MYO16: variants seen among roughly 807,000 people sequenced by gnomAD.
MYO16 encodes the protein myosin XVI, also known as unconventional myosin-XVI.
A neutral mutation model predicts 205.3 loss-of-function variants in MYO16; 94 were observed. That is an observed-to-expected ratio of 0.46 (90% CI 0.39 to 0.54). The LOEUF is 0.54. Among genes scored for constraint, MYO16 ranks in the 20% least tolerant of loss-of-function variants. The pLI is 0.00. For synonymous variants in MYO16, 988 were observed against 954.0 expected, an observed-to-expected ratio of 1.04 and a Z score of -0.66; for missense variants, 2,315 against 2,387.5, an observed-to-expected ratio of 0.97 and a Z score of 0.63.
At chr13:108,653,340 T>A (rs1401860313) in intron 1 of MYO16, among the ~76,000 whole-genome samples, 1 of 152,220 alleles carries the variant, frequency 6.6e-6, no homozygotes, top group Non-Finnish European at 1.5e-5. Flanking sequence ...GTAAGCTGCC[T>A]TTTCACTGTG....
At chr13:108,739,032 T>C (rs1297958402) in intron 4 of MYO16, among the ~76,000 whole-genome samples, 1 of 152,216 alleles carries the variant, frequency 6.6e-6, no homozygotes, top group Non-Finnish European at 1.5e-5. Context: ...TATGTGCATC[T>C]CTGCAGGTGA....
intron 6 of MYO16, 138 bp from the exon 7 acceptor site, chr13:108,806,541 A>G (rs9514920): frequency 0.48 from 274,297 of 572,864 alleles, 68,807 homozygotes; most frequent in East Asian, 0.6. Flanking sequence ...ATAAAATTGC[A>G]TGTATGTTCT....
At chr13:108,577,085 A>T in the MYO16 span, among the ~76,000 whole-genome samples, 32 of 152,034 alleles carry the variant, frequency 2.1e-4, no homozygotes, top group South Asian at 6.2e-3. Context: ...ATTTGATTCA[A>T]TTTTTCTAAA....
Position 109,125,317 on chromosome 13 carries a change from G to C in MYO16, c.3741G>C (p.Glu1247Asp). The C allele has an allele frequency of 6.2e-7, 1 of 1,614,180 alleles. No individual in the cohort carries two copies. The highest frequency in any genetic ancestry group is 8.5e-7 in the Non-Finnish European group (1 of 1,180,022). ...RSEMNAPYHKEKLEVRNMQEE... is the reference protein window; with the variant it reads ...RSEMNAPYHKDKLEVRNMQEE... ...AAATGAACGCTCCCTACCATAAAGAGAAGTTAGAGGTCAGGAACATGCAAG... is the reference window on the plus strand; with the variant it reads ...AAATGAACGCTCCCTACCATAAAGACAAGTTAGAGGTCAGGAACATGCAAG... Residue 1247 changes from glutamate (E) to aspartate (D), a missense_variant, in exon 30 of 35, where the codon GAG becomes GAC. Transcript: ENST00000457511. This position sits in a 1 kb window ranked among gnomAD's most constrained non-coding sequence, Gnocchi z 4.0.
At chr13:108,625,972 A>G (rs1269205455), upstream of MYO16, among the ~76,000 whole-genome samples, 1 of 152,260 alleles carries the variant, frequency 6.6e-6, no homozygotes, top group African/African-American at 2.4e-5. Flanking sequence ...ATTAAGTAGT[A>G]TCTCACCTGG....
intron 9 of MYO16, among the ~76,000 whole-genome samples, chr13:108,826,030 T>A (rs1039980566): frequency 1.1e-4 from 16 of 152,044 alleles, no homozygotes; most frequent in African/African-American, 3.6e-4. Flanking sequence ...TAACACAATC[T>A]CTATAAAAAT....
chr13:109,074,288 C>T (rs1041645084), intron 27 of MYO16, among the ~76,000 whole-genome samples: 4 of 152,160 alleles, frequency 2.6e-5, no homozygotes, highest in African/African-American at 9.7e-5. Flanking sequence ...TTCTCATCCC[C>T]AGACAAGCAT....
chr13:108,565,181 A>C, the MYO16 span, among the ~76,000 whole-genome samples: 1 of 152,292 alleles, frequency 6.6e-6, no homozygotes, highest in African/African-American at 2.4e-5. Flanking sequence ...AATTCTTCCA[A>C]GGATCTTCTA....
chr13:108,878,835 A>C (rs1213113390), intron 12 of MYO16, among the ~76,000 whole-genome samples: 2 of 152,258 alleles, frequency 1.3e-5, no homozygotes, highest in Non-Finnish European at 2.9e-5. Context: ...GTGGCCAAAC[A>C]GATGAGCCAC....
At chr13:109,178,555 GTATT>G (rs1879320101) in intron 33 of MYO16, among the ~76,000 whole-genome samples, 1 of 152,208 alleles carries the variant, frequency 6.6e-6, no homozygotes, top group East Asian at 1.9e-4. Context: ...AATCACTTCA[GTATT>G]TAAAGTTCTC....
intron 20 of MYO16, 74 bp from the exon 21 acceptor site, chr13:108,992,302 C>T (rs762719889): frequency 1.6e-5 from 17 of 1,071,774 alleles, no homozygotes; most frequent in Non-Finnish European, 2.4e-5. Flanking sequence ...ATTCTTCTGA[C>T]CTGAATAATG....
intron 32 of MYO16, among the ~76,000 whole-genome samples, chr13:109,161,856 A>G (rs1878401994): frequency 6.6e-6 from 1 of 152,192 alleles, no homozygotes; most frequent in South Asian, 2.1e-4. Flanking sequence ...GCACTATGGG[A>G]GGCCAAGGAA....
chr13:108,740,321 T>G (rs1343866319), intron 4 of MYO16, among the ~76,000 whole-genome samples: 1 of 152,204 alleles, frequency 6.6e-6, no homozygotes. Flanking sequence ...TTGGTGTGGA[T>G]GTGCTTTCTG....
intron 2 of MYO16, among the ~76,000 whole-genome samples, chr13:108,669,563 C>CA (rs1881892553): frequency 1.3e-5 from 2 of 152,216 alleles, no homozygotes; most frequent in South Asian, 4.1e-4. Context: ...TTGCATTTCT[C>CA]TAATGACCAG....
intron 4 of MYO16, among the ~76,000 whole-genome samples, chr13:108,731,229 T>G (rs562876924): frequency 6.6e-6 from 1 of 152,236 alleles, no homozygotes; most frequent in African/African-American, 2.4e-5. Context: ...CATTGCTGTT[T>G]GTTAAAACGG....
intron 9 of MYO16, among the ~76,000 whole-genome samples, chr13:108,838,657 G>A (rs1174648587): frequency 1.6e-4 from 15 of 93,140 alleles, no homozygotes; most frequent in African/African-American, 5.2e-4. Context: ...GACAGAGTGA[G>A]ACTGTCTCAA....
At position 109,140,434 on chromosome 13, in the gene MYO16, G is replaced by A. The variant is rs780815582; in HGVS notation, c.4222G>A (p.Val1408Ile). 1.9e-6 allele frequency: 3 copies of A among 1,560,598 alleles called. No individual in the cohort carries two copies. Among genetic ancestry groups the A allele is most frequent in the Non-Finnish European group, 1.7e-6 (2 of 1,160,220 alleles). The change falls in exon 32 of 35, where the codon GTT becomes ATT. Residue 1408 changes from valine to isoleucine, a missense_variant. Physicochemically the swap from Val to Ile is conservative, Grantham distance 29. Coordinates refer to ENST00000457511, the MANE Select transcript of MYO16 (RefSeq NM_001198950.3). The surrounding 1 kb of genome is among the most constrained non-coding windows in gnomAD (Gnocchi z 8.0). ...PAGAPGAAAR[V>I]LTPGTPQCAL... ...GGGCGCCCCGGGGGCAGCAGCGCGC[G>A]TTCTGACCCCCGGGACTCCGCAGTG... is the stretch of plus-strand genomic sequence containing the variant.
At chr13:108,817,304 C>T (rs1335238282) in intron 7 of MYO16, among the ~76,000 whole-genome samples, 1 of 152,144 alleles carries the variant, frequency 6.6e-6, no homozygotes, top group South Asian at 2.1e-4. Flanking sequence ...AAATGATGAA[C>T]ATATTGTAAT....
intron 14 of MYO16, among the ~76,000 whole-genome samples, chr13:108,895,120 G>A (rs4771618): frequency 0.19 from 28,225 of 151,736 alleles, 3,181 homozygotes; most frequent in East Asian, 0.49. Context: ...TTTACTTTCA[G>A]AAAATACAGT....
Sources: allele counts gnomAD v4.1 joint callset (sites outside exome capture counted in the v4.1 genomes callset), GRCh38; gene constraint gnomAD v4.1.1; non-coding constraint Gnocchi (gnomAD v3.1); transcripts MANE v1.5; gene names NCBI Gene and HGNC (gene_info 2026-07-23, HGNC 2026-07-21).